The following CPVL variants were observed in gnomAD, a reference collection of about 807,000 sequenced individuals.
CPVL encodes the protein carboxypeptidase vitellogenic like.
In CPVL, 51 loss-of-function variants were observed where a neutral mutation model predicts 63.7. That is an observed-to-expected ratio of 0.80 (90% confidence interval 0.64 to 1.01). CPVL has a LOEUF of 1.01. Ranked by LOEUF, CPVL falls within the 50% of genes least tolerant of loss-of-function variation. CPVL has a pLI of 0.00. For synonymous variants in CPVL, 195 were observed against 206.0 expected, an observed-to-expected ratio of 0.95 and a Z score of 0.46; for missense variants, 530 against 573.1, an observed-to-expected ratio of 0.92 and a Z score of 0.77.
chr7:28,996,556 A>G (rs536234102), intron 12 of CPVL, among the ~76,000 whole-genome samples: 2 of 151,780 alleles, frequency 1.3e-5, no homozygotes, highest in Non-Finnish European at 2.9e-5. Flanking sequence ...AAACAAAAAA[A>G]AAAAAAACAA....
At chr7:29,177,927 C>G (rs972233086) in intron 5 of CPVL, among the ~76,000 whole-genome samples, 1 of 152,290 alleles carries the variant, frequency 6.6e-6, no homozygotes, top group Non-Finnish European at 1.5e-5. Flanking sequence ...ACACAACCCT[C>G]GGTTCCATCC....
At chr7:29,130,975 A>G (rs1461294239) in intron 1 of CPVL, among the ~76,000 whole-genome samples, 2 of 152,194 alleles carry the variant, frequency 1.3e-5, no homozygotes, top group African/African-American at 2.4e-5. Flanking sequence ...TCTACTCTTT[A>G]GGACATTAAA....
chr7:29,072,525 C>T lies in CPVL; in HGVS notation c.610-102G>A, dbSNP rs1216165254. On this transcript the variant is annotated intron_variant, in intron 7 of 12. Coordinates refer to ENST00000265394, the MANE Select transcript of CPVL (RefSeq NM_031311.5). ...TAACAATGAAGGAGCAATCTTTCCA[C>T]ATGAGGTATACCATCTGTTTCTTAA... The T allele has an allele frequency of 1.0e-5, 13 of 1,305,814 alleles. No individual in the cohort carries two copies. The Admixed American group carries it at 2.2e-4, about 22-fold the overall frequency. 80.9% of individuals were successfully genotyped at this position (1,305,814 alleles called of 1,614,324 possible). A position where few individuals can be genotyped will look rare whatever the true frequency, so the allele number is the denominator to read the frequency against.
intron 1 of CPVL, among the ~76,000 whole-genome samples, chr7:29,136,694 A>G (rs190746018): frequency 9.2e-5 from 14 of 152,312 alleles, no homozygotes; most frequent in Admixed American, 9.2e-4. Context: ...AAAATTTTTT[A>G]TCATGAGAAT....
intron 7 of CPVL, among the ~76,000 whole-genome samples, chr7:29,083,410 T>C (rs569284269): frequency 6.6e-6 from 1 of 152,316 alleles, no homozygotes; most frequent in South Asian, 2.1e-4. Context: ...TCAGGCACCA[T>C]TCTGGCCAAT....
At chr7:29,123,958 A>G (rs1789708039) in intron 1 of CPVL, among the ~76,000 whole-genome samples, 1 of 152,108 alleles carries the variant, frequency 6.6e-6, no homozygotes, top group African/African-American at 2.4e-5. Flanking sequence ...TCAATTTAGT[A>G]GATCTCATTA....
chr7:29,066,109 GT>G lies in CPVL; in HGVS notation c.876del (p.Lys292AsnfsTer3), dbSNP rs1467097901. The G allele has an allele frequency of 4.4e-6, 7 of 1,574,188 alleles. No individual in the cohort carries two copies. Among genetic ancestry groups the G allele is most frequent in the Non-Finnish European group, 6.1e-6 (7 of 1,146,558 alleles). ...TCACTTGTTAAGTCGCCATCTAGTA[GT>G]TTATCCAGTATCTAGGTTGGGAGAG... Reference protein sequence around the residue: ...NWFEAFEILDKLLDGDLTSDP... With the variant: ...NWFEAFEILDXLLDGDLTSDP... On this transcript the variant is annotated frameshift_variant, in exon 10 of 13. Coordinates refer to ENST00000265394, the MANE Select transcript of CPVL (RefSeq NM_031311.5). LOFTEE classifies it high-confidence loss of function.
chr7:29,167,472 C>G (rs1037516271), intron 5 of CPVL, among the ~76,000 whole-genome samples: 1 of 152,098 alleles, frequency 6.6e-6, no homozygotes. Flanking sequence ...CTTCTATGAC[C>G]ATATTTGAAT....
At chr7:29,170,217 A>G (rs1796423265) in intron 5 of CPVL, among the ~76,000 whole-genome samples, 2 of 152,140 alleles carry the variant, frequency 1.3e-5, no homozygotes, top group Non-Finnish European at 2.9e-5. Flanking sequence ...ATGTTTAACA[A>G]TAGATTGCTG....
chr7:29,122,686 G>T (rs1280902304), intron 1 of CPVL: 1 of 149,532 alleles, frequency 6.7e-6, no homozygotes, highest in Non-Finnish European at 1.5e-5. Flanking sequence ...GCAAGGACAT[G>T]AAAGTAGAGA....
At chr7:28,994,819 T>C (rs1336692082), downstream of CPVL, among the ~76,000 whole-genome samples, 1 of 152,240 alleles carries the variant, frequency 6.6e-6, no homozygotes, top group East Asian at 1.9e-4. Flanking sequence ...AGTGAGCCAG[T>C]TCATAGATGG....
At chr7:29,040,794 C>CA (rs1270736644) in intron 11 of CPVL, among the ~76,000 whole-genome samples, 1 of 151,432 alleles carries the variant, frequency 6.6e-6, no homozygotes, top group Non-Finnish European at 1.5e-5. Flanking sequence ...GTCTTTTGGC[C>CA]AAAAAAAATT....
intron 2 of CPVL, among the ~76,000 whole-genome samples, chr7:29,117,827 T>C (rs1454584415): frequency 6.6e-6 from 1 of 152,178 alleles, no homozygotes; most frequent in Non-Finnish European, 1.5e-5. Flanking sequence ...TTAAATTCCA[T>C]ACATATTTAT....
chr7:29,142,868 C>G (rs1159163489), intron 1 of CPVL, among the ~76,000 whole-genome samples: 2 of 152,096 alleles, frequency 1.3e-5, no homozygotes, highest in Non-Finnish European at 2.9e-5. Context: ...TTGCAGATGC[C>G]TGAGTTCTAA....
At chr7:29,068,305 GC>G (rs1783345253) in intron 9 of CPVL, among the ~76,000 whole-genome samples, 1 of 152,080 alleles carries the variant, frequency 6.6e-6, no homozygotes, top group Admixed American at 6.6e-5. Context: ...GTAAGCCACC[GC>G]CCCCGGCCTG....
At chr7:29,024,821 G>T (rs958475863) in intron 12 of CPVL, among the ~76,000 whole-genome samples, 4 of 152,174 alleles carry the variant, frequency 2.6e-5, no homozygotes, top group Non-Finnish European at 5.9e-5. Flanking sequence ...CCATTGGACT[G>T]GCCCTACAAG....
intron 12 of CPVL, among the ~76,000 whole-genome samples, chr7:29,017,262 C>G (rs1212708147): frequency 1.3e-5 from 2 of 152,242 alleles, no homozygotes; most frequent in African/African-American, 2.4e-5. Flanking sequence ...TTTAATATCA[C>G]AAGTTCCCCG....
chr7:29,182,086 C>T (rs1798130631), intron 4 of CPVL, among the ~76,000 whole-genome samples: 1 of 152,228 alleles, frequency 6.6e-6, no homozygotes, highest in African/African-American at 2.4e-5. Flanking sequence ...TTTAAAAAGA[C>T]AATATTCCTT....
chr7:29,182,835 C>T (rs1238228344), intron 4 of CPVL, among the ~76,000 whole-genome samples: 1 of 152,116 alleles, frequency 6.6e-6, no homozygotes, highest in African/African-American at 2.4e-5. Context: ...AGACAGCATC[C>T]TATTGTGTTA....
Sources: allele counts gnomAD v4.1 joint callset (sites outside exome capture counted in the v4.1 genomes callset), GRCh38; gene constraint gnomAD v4.1.1; transcripts MANE v1.5; gene names NCBI Gene and HGNC (gene_info 2026-07-23, HGNC 2026-07-21).